The following NCKAP5 variants were observed in gnomAD, a reference collection of about 807,000 sequenced individuals.
NCKAP5 encodes the protein NCK associated protein 5, also known as nck-associated protein 5.
Under a neutral mutation model 167.0 loss-of-function variants are expected in NCKAP5, and 92 were observed. That is an observed-to-expected ratio of 0.55 (90% CI 0.47 to 0.66). The LOEUF (loss-of-function observed/expected upper bound fraction) is 0.66. Among genes scored for constraint, NCKAP5 ranks in the 30% least tolerant of loss-of-function variants. NCKAP5 has a pLI of 0.00. For missense variants in NCKAP5, 2,378 were observed against 2,315.0 expected, an observed-to-expected ratio of 1.03 and a Z score of -0.56; for synonymous variants, 891 against 877.4, an observed-to-expected ratio of 1.02 and a Z score of -0.27.
At chr2:132,896,858 G>T (rs906061534) in intron 8 of NCKAP5, among the ~76,000 whole-genome samples, 1 of 152,190 alleles carries the variant, frequency 6.6e-6, no homozygotes, top group Non-Finnish European at 1.5e-5. Flanking sequence ...TGATGTGGCA[G>T]AGAGAATGGC....
chr2:132,779,721 C>A (rs1682859561), intron 15 of NCKAP5, among the ~76,000 whole-genome samples: 1 of 151,992 alleles, frequency 6.6e-6, no homozygotes, highest in Non-Finnish European at 1.5e-5. Context: ...TTTAAACATC[C>A]ATTTCTCTCA....
In NCKAP5 at chr2:133,088,003, TA is replaced by T. The variant is rs2081050257; in HGVS notation, c.341+41974del. On this transcript the variant is annotated intron_variant, in intron 6 of 19. Transcript: ENST00000409261. ...GTAAATGACTACTCATAAGTTGGGA[TA>T]AATTTTACCAGGGCTGTATTTTCCC... 2.0e-5 allele frequency among the ~76,000 whole-genome samples: 3 copies of T among 152,330 alleles called. No homozygotes were observed. In the South Asian group the frequency reaches 6.2e-4, roughly 32 times the overall value.
At chr2:133,432,888 G>A (rs1239198170) in intron 3 of NCKAP5, among the ~76,000 whole-genome samples, 1 of 152,124 alleles carries the variant, frequency 6.6e-6, no homozygotes, top group African/African-American at 2.4e-5. Flanking sequence ...GATTCAAGTT[G>A]CTTCTTTTGT....
At chr2:133,325,127 T>C (rs1682342366) in intron 3 of NCKAP5, among the ~76,000 whole-genome samples, 1 of 152,206 alleles carries the variant, frequency 6.6e-6, no homozygotes, top group African/African-American at 2.4e-5. Flanking sequence ...GATGTCTCCT[T>C]CCATCACTGC....
chr2:133,508,324 T>C (rs1162126949), intron 3 of NCKAP5, among the ~76,000 whole-genome samples: 1 of 152,150 alleles, frequency 6.6e-6, no homozygotes, highest in Non-Finnish European at 1.5e-5. Context: ...ACAGCCCTCC[T>C]CCTTGGGGAA....
chr2:133,094,136 G>A (rs1182540508), intron 6 of NCKAP5, among the ~76,000 whole-genome samples: 6 of 152,170 alleles, frequency 3.9e-5, no homozygotes, highest in African/African-American at 1.4e-4. Context: ...TAACTGTGTG[G>A]CTCTAAAGGC....
intron 12 of NCKAP5, among the ~76,000 whole-genome samples, chr2:132,794,251 TATATATATATATAGAGAGAGAGAG>T (rs1361180671): frequency 2.7e-4 from 16 of 58,842 alleles, no homozygotes; most frequent in African/African-American, 1.1e-3. Context: ...TATATATATA[TATATATATATATAGAGAGAGAGAG>T]AGAGAGAGAG....
intron 4 of NCKAP5, among the ~76,000 whole-genome samples, chr2:133,253,706 A>C (rs1269950067): frequency 6.6e-6 from 1 of 152,210 alleles, no homozygotes; most frequent in African/African-American, 2.4e-5. Context: ...GTTTCCTTAT[A>C]TGTAAAATGA....
chr2:133,251,404 G>A (rs2088320570), intron 4 of NCKAP5, among the ~76,000 whole-genome samples: 1 of 152,054 alleles, frequency 6.6e-6, no homozygotes, highest in African/African-American at 2.4e-5. Flanking sequence ...CCCTAAAACT[G>A]CCATTGAGCT....
intron 8 of NCKAP5, among the ~76,000 whole-genome samples, chr2:132,919,370 A>G (rs1695129893): frequency 6.6e-6 from 1 of 152,162 alleles, no homozygotes; most frequent in Admixed American, 6.5e-5. Context: ...GCCCTGGCAG[A>G]GACTGTGTCT....
chr2:132,761,438 G>A (rs1680998078), intron 16 of NCKAP5, among the ~76,000 whole-genome samples: 1 of 152,234 alleles, frequency 6.6e-6, no homozygotes, highest in Non-Finnish European at 1.5e-5. Flanking sequence ...TGCCCCATGG[G>A]CAAATGCTGG....
At chr2:133,477,554 A>G (rs1680033806) in intron 3 of NCKAP5, among the ~76,000 whole-genome samples, 1 of 152,112 alleles carries the variant, frequency 6.6e-6, no homozygotes, top group African/African-American at 2.4e-5. Context: ...TATATACACT[A>G]TGTTTTTTCC....
At chr2:133,429,115 T>A (rs1325920307) in intron 3 of NCKAP5, among the ~76,000 whole-genome samples, 1 of 152,060 alleles carries the variant, frequency 6.6e-6, no homozygotes, top group East Asian at 1.9e-4. Context: ...TAACCACCAG[T>A]GGGTGGACAG....
intron 11 of NCKAP5, among the ~76,000 whole-genome samples, chr2:132,820,545 T>C (rs1384346305): frequency 6.6e-6 from 1 of 151,714 alleles, no homozygotes; most frequent in African/African-American, 2.4e-5. Flanking sequence ...TTTTTGTTTT[T>C]TGTTTTTTGT....
the NCKAP5 span, among the ~76,000 whole-genome samples, chr2:133,647,755 AAAG>A: frequency 1.4e-5 from 2 of 143,850 alleles, no homozygotes; most frequent in African/African-American, 5.1e-5. Context: ...GAAGGAAAGA[AAAG>A]AAAAGAAAAA....
At chr2:133,112,452 C>A (rs1213296377) in intron 6 of NCKAP5, among the ~76,000 whole-genome samples, 1 of 150,744 alleles carries the variant, frequency 6.6e-6, no homozygotes, top group Non-Finnish European at 1.5e-5. Context: ...CCAGCCTGGG[C>A]AACAGAGTAA....
intron 8 of NCKAP5, among the ~76,000 whole-genome samples, chr2:132,960,304 A>T (rs1208871135): frequency 6.6e-6 from 1 of 152,200 alleles, no homozygotes; most frequent in Non-Finnish European, 1.5e-5. Context: ...TCTGCAAATT[A>T]AAAGACAGAA....
intron 3 of NCKAP5, among the ~76,000 whole-genome samples, chr2:133,304,490 G>C (rs1323105625): frequency 1.3e-5 from 2 of 152,192 alleles, no homozygotes; most frequent in Non-Finnish European, 2.9e-5. Flanking sequence ...AGACCACTGG[G>C]AATGTTAAAA....
At chr2:133,425,685 T>C (rs1023363613) in intron 3 of NCKAP5, among the ~76,000 whole-genome samples, 2 of 152,222 alleles carry the variant, frequency 1.3e-5, no homozygotes, top group East Asian at 1.9e-4. Flanking sequence ...ATGCATATTA[T>C]TGTGGGAAAT....
Sources: allele counts gnomAD v4.1 joint callset (sites outside exome capture counted in the v4.1 genomes callset), GRCh38; gene constraint gnomAD v4.1.1; transcripts MANE v1.5; gene names NCBI Gene and HGNC (gene_info 2026-07-23, HGNC 2026-07-21).